The following MACROD2 variants were observed in gnomAD, a reference collection of about 807,000 sequenced individuals.
MACROD2 encodes ADP-ribose glycohydrolase MACROD2.
Under a neutral mutation model 70.4 loss-of-function variants are expected in MACROD2, and 36 were observed. The observed-to-expected ratio is 0.51, with a 90% confidence interval of 0.39 to 0.68. The LOEUF is 0.68. MACROD2 is among the 30% of genes least tolerant of loss of function. The pLI is 0.00. For missense variants in MACROD2, 496 were observed against 538.4 expected (o/e 0.92, Z 0.78); for synonymous variants, 172 against 178.8 (o/e 0.96, Z 0.30).
At chr20:14,924,203 G>A (rs777650971) in intron 5 of MACROD2, among the ~76,000 whole-genome samples, 4 of 152,296 alleles carry the variant, frequency 2.6e-5, no homozygotes, top group Admixed American at 2.6e-4. Context: ...GCTTGTGCCT[G>A]TAATTCCAGC....
chr20:15,050,880 C>A (rs1340870876), intron 5 of MACROD2, among the ~76,000 whole-genome samples: 2 of 151,478 alleles, frequency 1.3e-5, no homozygotes, highest in Non-Finnish European at 1.5e-5. Flanking sequence ...AAAGATGACT[C>A]TTGGTTGACT....
intron 9 of MACROD2, among the ~76,000 whole-genome samples, chr20:15,863,580 G>A (rs564638407): frequency 1.1e-4 from 16 of 152,260 alleles, no homozygotes; most frequent in African/African-American, 3.9e-4. Context: ...GGCAAGAATC[G>A]CTTCCAGGAA....
chr20:15,437,775 GT>G (rs2046445105), intron 7 of MACROD2, among the ~76,000 whole-genome samples: 1 of 151,986 alleles, frequency 6.6e-6, no homozygotes, highest in African/African-American at 2.4e-5. Context: ...TCCTCTGTTA[GT>G]TTACTAAGGA....
At chr20:14,880,906 C>A (rs2073604060) in intron 5 of MACROD2, among the ~76,000 whole-genome samples, 1 of 152,110 alleles carries the variant, frequency 6.6e-6, no homozygotes, top group South Asian at 2.1e-4. Context: ...TACTGCCGCC[C>A]AGCGTGGGCA....
chr20:14,203,822 A>T (rs892392813), intron 3 of MACROD2, among the ~76,000 whole-genome samples: 3 of 152,142 alleles, frequency 2.0e-5, no homozygotes, highest in African/African-American at 7.2e-5. Context: ...TGTAGGTGGC[A>T]GTGGTGGCAG....
At chr20:15,273,258 A>G (rs1160873270) in intron 6 of MACROD2, among the ~76,000 whole-genome samples, 2 of 152,094 alleles carry the variant, frequency 1.3e-5, no homozygotes, top group African/African-American at 4.8e-5. Flanking sequence ...CAAGCCTCCG[A>G]GCCTACATAT....
At chr20:15,619,662 T>A in intron 8 of MACROD2, 1 of 321,882 alleles carries the variant, frequency 3.1e-6, no homozygotes, top group Non-Finnish European at 6.0e-6. Context: ...ACTTTTTCCC[T>A]TTTCGGAGTC....
At chr20:14,340,813 C>A (rs1332486849) in intron 3 of MACROD2, among the ~76,000 whole-genome samples, 2 of 152,184 alleles carry the variant, frequency 1.3e-5, no homozygotes, top group Non-Finnish European at 2.9e-5. Context: ...TTTTAAAACT[C>A]TAGGACTATC....
chr20:15,571,092 A>C (rs554846675), intron 8 of MACROD2, among the ~76,000 whole-genome samples: 11 of 152,290 alleles, frequency 7.2e-5, no homozygotes, highest in African/African-American at 2.2e-4. Context: ...TCTGCTAAAG[A>C]AATTTAACTC....
At chr20:14,979,339 A>G (rs1418978920) in intron 5 of MACROD2, among the ~76,000 whole-genome samples, 1 of 152,188 alleles carries the variant, frequency 6.6e-6, no homozygotes, top group Admixed American at 6.5e-5. Context: ...ATGGCTTGAC[A>G]TAAAATAAAT....
At chr20:14,098,009 T>C (rs1167639410) in intron 3 of MACROD2, among the ~76,000 whole-genome samples, 1 of 152,236 alleles carries the variant, frequency 6.6e-6, no homozygotes, top group East Asian at 1.9e-4. Flanking sequence ...GGACTAGGGA[T>C]GTTCAACCTG....
At chr20:15,053,663 G>T (rs1490147969) in intron 5 of MACROD2, among the ~76,000 whole-genome samples, 3 of 152,220 alleles carry the variant, frequency 2.0e-5, no homozygotes, top group African/African-American at 4.8e-5. Flanking sequence ...GATTGGCATT[G>T]ATTATGCCTG....
At chr20:14,904,562 A>G (rs1270995883) in intron 5 of MACROD2, among the ~76,000 whole-genome samples, 1 of 152,168 alleles carries the variant, frequency 6.6e-6, no homozygotes, top group Non-Finnish European at 1.5e-5. Context: ...GCAGGAGTTG[A>G]ACTACAACAG....
At chr20:15,172,072 A>C (rs1045906972) in intron 5 of MACROD2, among the ~76,000 whole-genome samples, 1 of 152,252 alleles carries the variant, frequency 6.6e-6, no homozygotes, top group African/African-American at 2.4e-5. Context: ...TAAAAGACCT[A>C]AGCTCAAGAT....
intron 5 of MACROD2, among the ~76,000 whole-genome samples, chr20:15,034,703 A>T (rs751900496): frequency 9.2e-5 from 14 of 152,250 alleles, no homozygotes; most frequent in Non-Finnish European, 1.5e-4. Context: ...TCATAGGCAC[A>T]TAATTAATGA....
intron 8 of MACROD2, among the ~76,000 whole-genome samples, chr20:15,601,751 AG>A (rs1438858768): frequency 6.6e-6 from 1 of 152,224 alleles, no homozygotes; most frequent in African/African-American, 2.4e-5. Flanking sequence ...ACTTGAGGCC[AG>A]GTGTGGTGGC....
At chr20:14,091,707 C>CT (rs1280715624) in intron 3 of MACROD2, among the ~76,000 whole-genome samples, 4 of 152,036 alleles carry the variant, frequency 2.6e-5, no homozygotes, top group African/African-American at 9.7e-5. Flanking sequence ...AAATATAATG[C>CT]TCTGAGGGCC....
intron 3 of MACROD2, among the ~76,000 whole-genome samples, chr20:14,201,204 TTAG>T (rs2081476694): frequency 6.6e-6 from 1 of 152,168 alleles, no homozygotes; most frequent in Non-Finnish European, 1.5e-5. Flanking sequence ...GAATTACAAG[TTAG>T]TAGAAAAATG....
intron 5 of MACROD2, among the ~76,000 whole-genome samples, chr20:14,932,295 C>G (rs1187455309): frequency 5.3e-5 from 8 of 152,118 alleles, no homozygotes; most frequent in Admixed American, 1.3e-4. Flanking sequence ...GCTGAAGGAA[C>G]AGCCGTGACA....
Sources: allele counts gnomAD v4.1 joint callset (sites outside exome capture counted in the v4.1 genomes callset), GRCh38; gene constraint gnomAD v4.1.1; transcripts MANE v1.5; gene names NCBI Gene and HGNC (gene_info 2026-07-23, HGNC 2026-07-21).